The following TANC2 variants were observed in gnomAD, a reference collection of about 807,000 sequenced individuals.
TANC2 encodes tetratricopeptide repeat, ankyrin repeat and coiled-coil containing 2, also known as protein TANC2.
Under a neutral mutation model 210.5 loss-of-function variants are expected in TANC2, and 26 were observed. The observed-to-expected ratio is 0.12, with a 90% confidence interval of 0.09 to 0.17. The LOEUF (loss-of-function observed/expected upper bound fraction) is 0.17, where lower values mean the gene tolerates loss of function less well. Ranked by LOEUF, TANC2 falls within the 10% of genes least tolerant of loss-of-function variation. The pLI, the probability that TANC2 is intolerant of heterozygous loss-of-function variation, is 1.00. For missense variants in TANC2, 2,129 were observed against 2,608.9 expected, an observed-to-expected ratio of 0.82 and a Z score of 4.01; for synonymous variants, 931 against 967.1, an observed-to-expected ratio of 0.96 and a Z score of 0.69.
At chr17:63,320,790 C>A (rs1271539794) in intron 11 of TANC2, among the ~76,000 whole-genome samples, 2 of 152,234 alleles carry the variant, frequency 1.3e-5, no homozygotes, top group African/African-American at 4.8e-5. Flanking sequence ...TCTGTTGGTA[C>A]CTAGCAAGCC....
At chr17:63,362,802 C>T (rs543784158) in intron 14 of TANC2, among the ~76,000 whole-genome samples, 18 of 152,180 alleles carry the variant, frequency 1.2e-4, no homozygotes, top group Non-Finnish European at 2.2e-4. Context: ...GGGATCTTCC[C>T]GGGCCCCCAA....
At chr17:63,314,804 T>C in intron 10 of TANC2, 135 bp downstream of exon 10, 1 of 1,143,718 alleles carries the variant, frequency 8.7e-7, no homozygotes, top group Non-Finnish European at 1.2e-6. Flanking sequence ...TTCATTTAGG[T>C]TGAGAGAAAG....
At position 63,046,325 on chromosome 17, in the gene TANC2, C is replaced by CTTTTTTTTTTTTTTTTTTTTTTTTTTTT. The variant is rs57550590; in HGVS notation, c.68-27594_68-27593insTTTTTTTTTTTTTTTTTTTTTTTTTTTT. Among the ~76,000 whole-genome samples the CTTTTTTTTTTTTTTTTTTTTTTTTTTTT allele has an allele frequency of 1.6e-4, 7 of 44,136 alleles. 3 individuals are homozygous for CTTTTTTTTTTTTTTTTTTTTTTTTTTTT. Among genetic ancestry groups the CTTTTTTTTTTTTTTTTTTTTTTTTTTTT allele is most frequent in the African/African-American group, 2.3e-4 (2 of 8,524 alleles). 29.0% of individuals were successfully genotyped at this position (44,136 alleles called of 152,430 possible). On this transcript the variant is annotated intron_variant, in intron 2 of 27. Transcript: ENST00000689528. ...CAGGTGCGTGCCACCACACCCAGCTCTTTTTTTTTTTTTTTTTTTTTTTTG... is the reference window on the plus strand; with the variant it reads ...CAGGTGCGTGCCACCACACCCAGCTCTTTTTTTTTTTTTTTTTTTTTTTTTTTTTTTTTTTTTTTTTTTTTTTTTTTTG...
chr17:63,420,182 G>A lies in TANC2; in HGVS notation c.4452G>A (p.Gln1484=). ...CGGAAGAAGCAGAACCTGAGCCACAGCATGAAGACATATACTCTGTACAGG... is the reference window on the plus strand; with the variant it reads ...CGGAAGAAGCAGAACCTGAGCCACAACATGAAGACATATACTCTGTACAGG... Residue 1484 remains glutamine (Q), a synonymous_variant, in exon 28 of 28, where the codon CAG becomes CAA. Coordinates refer to ENST00000689528, the Ensembl canonical transcript of TANC2. The surrounding 1 kb of genome is among the most constrained non-coding windows in gnomAD (Gnocchi z 4.2). 1 of 1,584,334 alleles carries A rather than the reference G, an allele frequency of 6.3e-7. No individual in the cohort carries two copies. Among genetic ancestry groups the A allele is most frequent in the Non-Finnish European group, 8.6e-7 (1 of 1,164,436 alleles).
chr17:63,183,983 C>T (rs2040884387), intron 5 of TANC2, among the ~76,000 whole-genome samples: 1 of 151,104 alleles, frequency 6.6e-6, no homozygotes, highest in African/African-American at 2.5e-5. Context: ...CGCCACTGCA[C>T]TCCAACCTGG....
intron 11 of TANC2, among the ~76,000 whole-genome samples, chr17:63,337,663 A>G (rs959828913): frequency 6.7e-6 from 1 of 148,340 alleles, no homozygotes; most frequent in Non-Finnish European, 1.5e-5. Flanking sequence ...GTGCACATTT[A>G]TTATATAGGT....
intron 7 of TANC2, among the ~76,000 whole-genome samples, chr17:63,219,784 A>T (rs2042119487): frequency 6.6e-6 from 1 of 152,198 alleles, no homozygotes; most frequent in Non-Finnish European, 1.5e-5. Context: ...TTCTGCACAT[A>T]TATCCATTTT....
intron 5 of TANC2, among the ~76,000 whole-genome samples, chr17:63,164,992 C>T (rs1237434331): frequency 6.6e-6 from 1 of 152,114 alleles, no homozygotes; most frequent in African/African-American, 2.4e-5. Flanking sequence ...CATCAGAATG[C>T]ACTGTCTGGC....
At chr17:63,159,294 AAG>A (rs2039944103) in intron 5 of TANC2, among the ~76,000 whole-genome samples, 2 of 152,200 alleles carry the variant, frequency 1.3e-5, no homozygotes, top group Non-Finnish European at 2.9e-5. Context: ...AAATAAACTT[AAG>A]TGTCTAGTTT....
intron 5 of TANC2, among the ~76,000 whole-genome samples, chr17:63,181,300 T>C (rs1205122904): frequency 6.6e-6 from 1 of 152,202 alleles, no homozygotes; most frequent in Non-Finnish European, 1.5e-5. Flanking sequence ...CTCTTGCTGT[T>C]GGTCCTCTCT....
chr17:63,094,393 G>A (rs756409307), intron 3 of TANC2, among the ~76,000 whole-genome samples: 1 of 151,944 alleles, frequency 6.6e-6, no homozygotes, highest in Non-Finnish European at 1.5e-5. Flanking sequence ...GTCTTTAGGG[G>A]CCAGTTTATC....
In TANC2 at chr17:63,167,884, C is replaced by G. The variant is rs1270368604; in HGVS notation, c.433+16504C>G. Among the ~76,000 whole-genome samples the G allele has an allele frequency of 4.7e-5, 3 of 63,978 alleles. No homozygotes were observed. In the East Asian group the frequency reaches 2.2e-3, roughly 48 times the overall value. The allele number at this position is 63,978 out of a possible 152,430, so 42.0% of individuals were successfully genotyped here. The stretch of plus-strand genomic sequence containing the variant: ...TGGGTGACAGAGTGAGACTCTGTCT[C>G]AAAAAAAAAAAAAAAAAAAAAAAAA... On this transcript the variant is annotated intron_variant, in intron 5 of 27. Coordinates refer to ENST00000689528, the Ensembl canonical transcript of TANC2.
At chr17:63,032,932 T>G (rs1470336580) in intron 2 of TANC2, among the ~76,000 whole-genome samples, 1 of 152,186 alleles carries the variant, frequency 6.6e-6, no homozygotes, top group African/African-American at 2.4e-5. Flanking sequence ...CTACAAGCTA[T>G]AATTTCTAGG....
exon 26 of TANC2, chr17:63,415,594 T>A (rs1568001250): frequency 6.2e-7 from 1 of 1,613,818 alleles, no homozygotes; most frequent in East Asian, 2.2e-5. Context: ...TAGAGAAGGG[T>A]TTGGTGAGGA....
Position 62,987,246 on chromosome 17 carries a change from T to C in TANC2, c.-24+20497T>C, listed in dbSNP as rs1159264130. Among the ~76,000 whole-genome samples, 9 of 152,092 alleles carry C rather than the reference T, an allele frequency of 5.9e-5. No individual in the cohort carries two copies. The East Asian group carries it at 1.7e-3, about 29-fold the overall frequency. ...CTATTCCTGGGCCCCGACTTTGTGC[T>C]CCTGGGGTCGTGGTGTTCAGCCACT... is the stretch of plus-strand genomic sequence containing the variant. On this transcript the variant is annotated intron_variant, in intron 1 of 27. Transcript: ENST00000689528.
intron 2 of TANC2, among the ~76,000 whole-genome samples, chr17:63,012,315 C>T (rs1459719405): frequency 6.6e-6 from 1 of 152,080 alleles, no homozygotes; most frequent in Non-Finnish European, 1.5e-5. Flanking sequence ...GCCACCATGC[C>T]TGGACTCAAA....
At chr17:63,189,886 G>A (rs1309558047) in intron 5 of TANC2, among the ~76,000 whole-genome samples, 1 of 152,138 alleles carries the variant, frequency 6.6e-6, no homozygotes, top group African/African-American at 2.4e-5. Context: ...TATAGTTTTA[G>A]CTTATACATT....
intron 11 of TANC2, among the ~76,000 whole-genome samples, chr17:63,319,793 A>G (rs1347676167): frequency 1.3e-5 from 2 of 152,154 alleles, no homozygotes; most frequent in Admixed American, 1.3e-4. Flanking sequence ...TATTTTTTTC[A>G]AAATAACATA....
At chr17:62,970,716 A>G (rs1189909064) in intron 1 of TANC2, among the ~76,000 whole-genome samples, 2 of 152,232 alleles carry the variant, frequency 1.3e-5, no homozygotes, top group Non-Finnish European at 2.9e-5. Context: ...CAGTAGAATT[A>G]AAATGAGATC....
Sources: allele counts gnomAD v4.1 joint callset (sites outside exome capture counted in the v4.1 genomes callset), GRCh38; gene constraint gnomAD v4.1.1; non-coding constraint Gnocchi (gnomAD v3.1); transcripts MANE v1.5; gene names NCBI Gene and HGNC (gene_info 2026-07-23, HGNC 2026-07-21).